Variants in IQSEC1 observed in about 807,000 individuals in gnomAD.
IQSEC1 encodes IQ motif and Sec7 domain ArfGEF 1.
A neutral mutation model predicts 91.0 loss-of-function variants in IQSEC1; 31 were observed. The ratio of observed to expected loss-of-function variants is 0.34; its 90% CI spans 0.26 to 0.46. The LOEUF is 0.46. Among genes scored for constraint, IQSEC1 ranks in the 20% least tolerant of loss-of-function variants. The probability of loss-of-function intolerance (pLI) is 1.00; values close to 1 mark genes in which losing one functional copy is unlikely to be tolerated. For missense variants in IQSEC1, 1,388 were observed against 1,575.6 expected (o/e 0.88, Z 2.02); for synonymous variants, 699 against 662.6 (o/e 1.05, Z -0.84).
intron 1 of IQSEC1, among the ~76,000 whole-genome samples, chr3:13,198,304 T>G (rs1183487818): frequency 6.6e-6 from 1 of 152,058 alleles, no homozygotes; most frequent in Non-Finnish European, 1.5e-5. Flanking sequence ...CTTGCAACCA[T>G]GTAAACACAA....
intron 1 of IQSEC1, among the ~76,000 whole-genome samples, chr3:13,280,995 C>T (rs1333426732): frequency 2.6e-5 from 4 of 152,230 alleles, no homozygotes; most frequent in African/African-American, 4.8e-5. Context: ...CACGGAAGGA[C>T]GACGTGCTCC....
At position 12,994,358 on chromosome 3, in the gene IQSEC1, A is replaced by G. The variant is rs360837; in HGVS notation, c.24-52493T>C. Among the ~76,000 whole-genome samples the G allele has an allele frequency of 0.14, 21,130 of 151,412 alleles. 1,500 individuals are homozygous for G. The highest frequency in any genetic ancestry group is 0.18 in the Middle Eastern group (53 of 292). The stretch of plus-strand genomic sequence containing the variant: ...GTGTGTGTGCGTGCGCGGCTGTGCT[A>G]GGGGGCGGGGAGGACGGTGCCGCCC... On this transcript the variant is annotated intron_variant, in intron 1 of 13. Coordinates refer to ENST00000613206, the MANE Select transcript of IQSEC1 (RefSeq NM_001134382.3). This position sits in a 1 kb window ranked among gnomAD's most constrained non-coding sequence, Gnocchi z 4.5.
chr3:12,974,918 C>T (rs761578155), intron 1 of IQSEC1, among the ~76,000 whole-genome samples: 17 of 152,270 alleles, frequency 1.1e-4, no homozygotes, highest in Non-Finnish European at 2.1e-4. Flanking sequence ...CCCCTGAGCT[C>T]TGTCCCCCGT....
At chr3:13,182,674 TTAGA>T (rs1306776385) in intron 1 of IQSEC1, among the ~76,000 whole-genome samples, 2 of 152,060 alleles carry the variant, frequency 1.3e-5, no homozygotes, top group Non-Finnish European at 2.9e-5. Context: ...GAACTAGAAA[TTAGA>T]TAATCACTTC....
rs60347391 is a variant in IQSEC1, at chr3:13,277,137, A to AAAAAAAAAAAAAAAAC, written c.272+5573_272+5574insGTTTTTTTTTTTTTTT. ...AAAAAAAAAAAAAAAAAAAAAAAAA[A>AAAAAAAAAAAAAAAAC]CAGAAAACAAGACACAAAAGACCGG... On this transcript the variant is annotated intron_variant, in intron 1 of 15. Coordinates refer to the IQSEC1 transcript ENST00000648114. Among the ~76,000 whole-genome samples, 6 of 118,328 alleles carry AAAAAAAAAAAAAAAAC rather than the reference A, an allele frequency of 5.1e-5. 1 individual carries two copies. Among genetic ancestry groups the AAAAAAAAAAAAAAAAC allele is most frequent in the African/African-American group, 2.2e-4 (6 of 27,392 alleles). The allele number at this position is 118,328 out of a possible 152,430, so 77.6% of individuals were successfully genotyped here. A position where few individuals can be genotyped will look rare whatever the true frequency, so the allele number is the denominator to read the frequency against.
intron 1 of IQSEC1, among the ~76,000 whole-genome samples, chr3:13,239,779 C>G (rs1341256871): frequency 6.6e-6 from 1 of 152,230 alleles, no homozygotes; most frequent in African/African-American, 2.4e-5. Flanking sequence ...AAGCCGGACA[C>G]AGAAGGACGA....
intron 2 of IQSEC1, among the ~76,000 whole-genome samples, chr3:13,106,867 T>C (rs1706160997): frequency 1.3e-5 from 2 of 152,210 alleles, no homozygotes; most frequent in South Asian, 2.1e-4. Context: ...CATTTTTCTA[T>C]CCAAAATACA....
rs867313477 is a variant in IQSEC1, at chr3:12,992,984, G to C, written c.24-51119C>G. 6.6e-6 allele frequency among the ~76,000 whole-genome samples: 1 copy of C among 152,130 alleles called. No homozygotes were observed. The highest frequency in any genetic ancestry group is 1.5e-5 in the Non-Finnish European group (1 of 68,008). ...AGGTGGTTTTGTAGCGGGAGGTTGC[G>C]GTGGGGGCGGGGGTCCCACACTCTA... On this transcript the variant is annotated intron_variant, in intron 1 of 13. Coordinates refer to ENST00000613206, the MANE Select transcript of IQSEC1 (RefSeq NM_001134382.3). The surrounding 1 kb of genome is among the most constrained non-coding windows in gnomAD (Gnocchi z 4.1).
At position 12,922,249 on chromosome 3, in the gene IQSEC1, T is replaced by C; in HGVS notation, c.1731-7A>G. On this transcript the variant is annotated splice_polypyrimidine_tract_variant and splice_region_variant and intron_variant, in intron 4 of 13. Transcript: ENST00000613206. This position sits in a 1 kb window ranked among gnomAD's most constrained non-coding sequence, Gnocchi z 5.1. ...CATCTCGTCCACGACGCAGCTGGAA[T>C]AGAGACAGACAGCCCCGCATAAGCA... 6.3e-7 allele frequency: 1 copy of C among 1,578,468 alleles called. No individual in the cohort carries two copies. The highest frequency in any genetic ancestry group is 8.7e-7 in the Non-Finnish European group (1 of 1,155,294).
At chr3:13,109,589 C>T (rs999304820) in intron 2 of IQSEC1, among the ~76,000 whole-genome samples, 1 of 152,078 alleles carries the variant, frequency 6.6e-6, no homozygotes, top group African/African-American at 2.4e-5. Flanking sequence ...TTGATGCTGT[C>T]TTCCTGATAG....
intron 1 of IQSEC1, among the ~76,000 whole-genome samples, chr3:12,968,191 A>ATAAAACCT (rs1021066506): frequency 7.2e-5 from 11 of 152,188 alleles, no homozygotes; most frequent in Admixed American, 4.6e-4. Flanking sequence ...CCTTCAGTTT[A>ATAAAACCT]TAAAACCTGG....
chr3:13,007,191 A>C (rs1576154958), intron 1 of IQSEC1, among the ~76,000 whole-genome samples: 2 of 152,370 alleles, frequency 1.3e-5, no homozygotes, highest in Admixed American at 6.5e-5. Flanking sequence ...GTCTTCATGC[A>C]GACAGAGCCC....
intron 1 of IQSEC1, among the ~76,000 whole-genome samples, chr3:13,210,843 C>T (rs1395706869): frequency 1.3e-5 from 2 of 152,196 alleles, no homozygotes; most frequent in Non-Finnish European, 2.9e-5. Context: ...GCCTTGTAAA[C>T]AAACGCCATC....
At chr3:13,147,317 C>G (rs544668404) in intron 2 of IQSEC1, among the ~76,000 whole-genome samples, 2 of 151,738 alleles carry the variant, frequency 1.3e-5, no homozygotes, top group East Asian at 3.9e-4. Flanking sequence ...AGCCCCCCTC[C>G]CACCCTCCCT....
At chr3:13,174,440 A>C (rs1164350106) in intron 1 of IQSEC1, among the ~76,000 whole-genome samples, 1 of 151,994 alleles carries the variant, frequency 6.6e-6, no homozygotes, top group African/African-American at 2.4e-5. Context: ...GGCATTTTGC[A>C]CTCAGCCTGG....
chr3:13,136,621 T>C (rs1005244990), intron 2 of IQSEC1, among the ~76,000 whole-genome samples: 2 of 152,128 alleles, frequency 1.3e-5, no homozygotes, highest in Admixed American at 6.5e-5. Context: ...TAATCGGGCA[T>C]TTCCGAGAGG....
In IQSEC1 at chr3:13,273,349, G is replaced by A. The variant is rs944445226; in HGVS notation, c.272+9362C>T. Reference sequence around the variant, plus strand: ...GCTCCTCCCTCAAGGTGAAAGAGGGGAGTGGCCTGGGTGTGGGAAGCCAGA... The same window carrying A: ...GCTCCTCCCTCAAGGTGAAAGAGGGAAGTGGCCTGGGTGTGGGAAGCCAGA... On this transcript the variant is annotated intron_variant, in intron 1 of 15. Transcript: ENST00000648114. Among the ~76,000 whole-genome samples, 22 of 152,342 alleles carry A rather than the reference G, an allele frequency of 1.4e-4. 1 individual carries two copies. The highest frequency in any genetic ancestry group is 5.1e-4 in the African/African-American group (21 of 41,582).
intron 2 of IQSEC1, among the ~76,000 whole-genome samples, chr3:13,120,011 C>T (rs1338864403): frequency 2.0e-5 from 3 of 152,184 alleles, no homozygotes; most frequent in Admixed American, 6.5e-5. Flanking sequence ...GCTCTCTGCT[C>T]GCCTGGGCAG....
chr3:13,033,521 A>ATG (rs1445963950), intron 1 of IQSEC1, among the ~76,000 whole-genome samples: 1 of 152,066 alleles, frequency 6.6e-6, no homozygotes, highest in Non-Finnish European at 1.5e-5. Context: ...ATATATGTAT[A>ATG]TGTATATATA....
Sources: allele counts gnomAD v4.1 joint callset (sites outside exome capture counted in the v4.1 genomes callset), GRCh38; gene constraint gnomAD v4.1.1; non-coding constraint Gnocchi (gnomAD v3.1); transcripts MANE v1.5; gene names NCBI Gene and HGNC (gene_info 2026-07-23, HGNC 2026-07-21).